The following MEOX2 variants were observed in gnomAD, a reference collection of about 807,000 sequenced individuals.
The protein encoded by MEOX2 is mesenchyme homeobox 2, also known as homeobox protein MOX-2.
In MEOX2, 11 loss-of-function variants were observed where a neutral mutation model predicts 27.0. That is an observed-to-expected ratio of 0.41 (90% CI 0.26 to 0.68). The LOEUF (loss-of-function observed/expected upper bound fraction) is 0.68, where lower values mean the gene tolerates loss of function less well. MEOX2 is among the 30% of genes least tolerant of loss of function. The pLI, the probability that MEOX2 is intolerant of heterozygous loss-of-function variation, is 0.33. For missense variants in MEOX2, 436 were observed against 385.4 expected (o/e 1.13, Z -1.10); for synonymous variants, 189 against 155.4 (o/e 1.22, Z -1.61).
intron 1 of MEOX2, among the ~76,000 whole-genome samples, chr7:15,630,368 A>T (rs1005563805): frequency 3.3e-5 from 5 of 152,064 alleles, no homozygotes; most frequent in Admixed American, 6.6e-5. Flanking sequence ...AAAGATAATA[A>T]TGTTTTATTG....
chr7:15,684,012 AT>A (rs1347046054), intron 1 of MEOX2, among the ~76,000 whole-genome samples: 15 of 152,142 alleles, frequency 9.9e-5, no homozygotes, highest in Non-Finnish European at 1.9e-4. Flanking sequence ...AAATTATTCC[AT>A]TTTTTAAAAA....
At chr7:15,659,922 C>A (rs1781884615) in intron 1 of MEOX2, among the ~76,000 whole-genome samples, 1 of 152,076 alleles carries the variant, frequency 6.6e-6, no homozygotes, top group African/African-American at 2.4e-5. Flanking sequence ...TTGTCTTAAG[C>A]ACACAGAACT....
chr7:15,620,751 C>T (rs899343539), intron 2 of MEOX2, among the ~76,000 whole-genome samples: 2 of 152,146 alleles, frequency 1.3e-5, no homozygotes, highest in South Asian at 4.1e-4. Context: ...TCATTTCCAC[C>T]AATGGAGTAT....
At chr7:15,680,332 T>G (rs895044233) in intron 1 of MEOX2, 6 of 151,962 alleles carry the variant, frequency 3.9e-5, no homozygotes, top group African/African-American at 1.4e-4. Flanking sequence ...AAATTCAATA[T>G]TTTTATAATG....
intron 1 of MEOX2, chr7:15,667,947 A>G (rs1782034924): frequency 6.6e-6 from 1 of 152,218 alleles, no homozygotes; most frequent in Non-Finnish European, 1.5e-5. Flanking sequence ...GCACCTCTTT[A>G]GGACACAGTT....
intron 2 of MEOX2, among the ~76,000 whole-genome samples, chr7:15,618,084 G>A (rs1781150939): frequency 6.6e-6 from 1 of 151,964 alleles, no homozygotes; most frequent in South Asian, 2.1e-4. Flanking sequence ...CCATTCACAT[G>A]ATAAAGCAAA....
intron 2 of MEOX2, among the ~76,000 whole-genome samples, chr7:15,619,835 T>C (rs1781192465): frequency 6.6e-6 from 1 of 152,070 alleles, no homozygotes; most frequent in Admixed American, 6.6e-5. Flanking sequence ...AATATTTACA[T>C]TTATTAGGGA....
In MEOX2 at chr7:15,659,758, C is replaced by CAAAA. The variant is rs58319551; in HGVS notation, c.517+26124_517+26127dup. The stretch of plus-strand genomic sequence containing the variant: ...CTGGGTGACAGAGCGAGACTGCTCT[C>CAAAA]AAAAAAAAAAAAAAAAAAAAAAAGC... On this transcript the variant is annotated intron_variant, in intron 1 of 2. Transcript: ENST00000262041. Among the ~76,000 whole-genome samples the CAAAA allele has an allele frequency of 3.7e-4, 20 of 54,128 alleles. 1 individual carries two copies. Among genetic ancestry groups the CAAAA allele is most frequent in the African/African-American group, 7.6e-4 (13 of 17,172 alleles). The allele number at this position is 54,128 out of a possible 152,430, so 35.5% of individuals were successfully genotyped here. A position where few individuals can be genotyped will look rare whatever the true frequency, so the allele number is the denominator to read the frequency against.
intron 1 of MEOX2, among the ~76,000 whole-genome samples, chr7:15,643,255 T>C (rs1781591410): frequency 1.3e-5 from 2 of 152,138 alleles, no homozygotes; most frequent in African/African-American, 4.8e-5. Context: ...AGTATTGGTA[T>C]GTCCCTGGTG....
At chr7:15,630,592 T>C (rs1781385862) in intron 1 of MEOX2, among the ~76,000 whole-genome samples, 1 of 152,072 alleles carries the variant, frequency 6.6e-6, no homozygotes, top group Admixed American at 6.6e-5. Context: ...TCTAGTTCCA[T>C]ATCCTGAAGA....
chr7:15,663,508 T>G (rs202120929), intron 1 of MEOX2, among the ~76,000 whole-genome samples: 1 of 9,230 alleles, frequency 1.1e-4, no homozygotes, highest in Non-Finnish European at 2.7e-4. Flanking sequence ...AATTTTTGTA[T>G]TTTTTTTTTT....
At chr7:15,622,687 T>C (rs1781239064) in intron 2 of MEOX2, among the ~76,000 whole-genome samples, 1 of 152,174 alleles carries the variant, frequency 6.6e-6, no homozygotes, top group Admixed American at 6.5e-5. Flanking sequence ...ATAGATTACA[T>C]GGCTAAACAT....
chr7:15,684,361 A>G (rs1183165054), intron 1 of MEOX2, among the ~76,000 whole-genome samples: 1 of 152,202 alleles, frequency 6.6e-6, no homozygotes, highest in South Asian at 2.1e-4. Context: ...CCTTTTTGCT[A>G]TGATTAACCT....
At chr7:15,657,595 AT>A (rs1173050857) in intron 1 of MEOX2, among the ~76,000 whole-genome samples, 1 of 151,962 alleles carries the variant, frequency 6.6e-6, no homozygotes, top group African/African-American at 2.4e-5. Context: ...GAGATGTTCT[AT>A]TTTTTCATTT....
chr7:15,637,304 G>A (rs1188378604), intron 1 of MEOX2, among the ~76,000 whole-genome samples: 1 of 151,878 alleles, frequency 6.6e-6, no homozygotes, highest in African/African-American at 2.4e-5. Context: ...ACAAATTCAG[G>A]CACTCAAAAC....
intron 1 of MEOX2, among the ~76,000 whole-genome samples, chr7:15,651,956 A>T (rs540381090): frequency 3.6e-4 from 55 of 152,158 alleles, no homozygotes; most frequent in African/African-American, 1.3e-3. Flanking sequence ...GTTAACAAGC[A>T]TATCCTGAAA....
At chr7:15,656,061 C>T (rs1781814707) in intron 1 of MEOX2, among the ~76,000 whole-genome samples, 1 of 151,802 alleles carries the variant, frequency 6.6e-6, no homozygotes, top group African/African-American at 2.4e-5. Flanking sequence ...AGGATACCTA[C>T]ATCTTCTCAA....
chr7:15,625,251 A>T (rs941531771), intron 2 of MEOX2, among the ~76,000 whole-genome samples: 3 of 151,656 alleles, frequency 2.0e-5, no homozygotes, highest in Non-Finnish European at 4.4e-5. Context: ...TTCCCTGTTT[A>T]AAAAAAATAA....
chr7:15,654,667 A>G (rs1488775301), intron 1 of MEOX2, among the ~76,000 whole-genome samples: 2 of 151,890 alleles, frequency 1.3e-5, no homozygotes, highest in East Asian at 1.9e-4. Flanking sequence ...TCATGAGAAT[A>G]TTTTTGCTTT....
Sources: allele counts gnomAD v4.1 joint callset (sites outside exome capture counted in the v4.1 genomes callset), GRCh38; gene constraint gnomAD v4.1.1; transcripts MANE v1.5; gene names NCBI Gene and HGNC (gene_info 2026-07-23, HGNC 2026-07-21).